CERK: variants seen among roughly 807,000 people sequenced by gnomAD.
The protein encoded by CERK is acylsphingosine kinase.
A neutral mutation model predicts 63.4 loss-of-function variants in CERK; 39 were observed. That is an observed-to-expected ratio of 0.61 (90% CI 0.48 to 0.80). CERK has a LOEUF of 0.80. CERK is among the 30% of genes least tolerant of loss of function. The pLI, the probability that CERK is intolerant of heterozygous loss-of-function variation, is 0.00. For missense variants in CERK, 670 were observed against 714.1 expected, an observed-to-expected ratio of 0.94 and a Z score of 0.70; for synonymous variants, 302 against 280.0, an observed-to-expected ratio of 1.08 and a Z score of -0.78.
rs2748349 is a variant in CERK, at chr22:46,687,115, T to A, written c.*19A>T. ...ATAGTTTTCACACTTTCCCAGTTTG[T>A]GAGCAGGACGCCGGCTTCTCAGCTG... is the stretch of plus-strand genomic sequence containing the variant. On this transcript the variant is annotated 3_prime_UTR_variant, in exon 13 of 13. Coordinates refer to ENST00000216264, the MANE Select transcript of CERK (RefSeq NM_022766.6). 679,939 of 1,607,138 alleles carry A rather than the reference T, an allele frequency of 0.42. 147,565 individuals carry two copies. The highest frequency in any genetic ancestry group is 0.63 in the African/African-American group (47,133 of 74,732).
intron 1 of CERK, among the ~76,000 whole-genome samples, chr22:46,726,035 C>T (rs1486859600): frequency 4.6e-5 from 7 of 152,242 alleles, no homozygotes; most frequent in African/African-American, 1.2e-4. Flanking sequence ...CTGAGCCACG[C>T]GCAGTGGCCT....
In CERK at chr22:46,687,221, G is replaced by A. The variant is rs766121174; in HGVS notation, c.1542-15C>T. 2 of 1,612,826 alleles carry A rather than the reference G, an allele frequency of 1.2e-6. No individual in the cohort carries two copies. Among genetic ancestry groups the A allele is most frequent in the South Asian group, 1.1e-5 (1 of 91,070 alleles). ...GGCAGTGGACTCTGCAGAGACAAGCGGCCACGTGTAAACCCCACGTGTCCC... is the reference window on the plus strand; with the variant it reads ...GGCAGTGGACTCTGCAGAGACAAGCAGCCACGTGTAAACCCCACGTGTCCC... On this transcript the variant is annotated splice_polypyrimidine_tract_variant and intron_variant, in intron 12 of 12. Transcript: ENST00000216264.
chr22:46,737,936 C>G (rs1443595262), intron 1 of CERK, 71 bp downstream of exon 1: 1 of 1,074,886 alleles, frequency 9.3e-7, no homozygotes, highest in East Asian at 4.5e-5. Flanking sequence ...CCGGTCCCCC[C>G]AGCCGGGTCC....
At chr22:46,707,582 T>A (rs1569323695) in intron 6 of CERK, among the ~76,000 whole-genome samples, 1 of 152,168 alleles carries the variant, frequency 6.6e-6, no homozygotes, top group Non-Finnish European at 1.5e-5. Flanking sequence ...ACTCCAGGAC[T>A]GCACCCCCAG....
At chr22:46,688,163 G>A (rs2082712929) in intron 12 of CERK, among the ~76,000 whole-genome samples, 1 of 152,040 alleles carries the variant, frequency 6.6e-6, no homozygotes, top group African/African-American at 2.4e-5. Flanking sequence ...ACTCCAGCCT[G>A]GGCAACAAGA....
intron 5 of CERK, 23 bp from the exon 6 acceptor site, chr22:46,708,011 C>G: frequency 2.5e-6 from 4 of 1,584,126 alleles, no homozygotes; most frequent in Non-Finnish European, 3.4e-6. Flanking sequence ...CACAGCCGGT[C>G]AGGGCTCCTG....
chr22:46,704,387 T>C (rs1486510970), intron 6 of CERK, among the ~76,000 whole-genome samples: 1 of 152,112 alleles, frequency 6.6e-6, no homozygotes, highest in Non-Finnish European at 1.5e-5. Context: ...CCATACAGCA[T>C]AGATGAGAAT....
intron 3 of CERK, among the ~76,000 whole-genome samples, chr22:46,712,847 C>CTT (rs11312593): frequency 3.2e-5 from 4 of 125,710 alleles, no homozygotes; most frequent in African/African-American, 1.2e-4. Context: ...CTTTTCTTTT[C>CTT]TTTTTTTTTT....
chr22:46,691,864 T>C (rs972204013), intron 10 of CERK, 87 bp from the exon 11 acceptor site: 5 of 986,662 alleles, frequency 5.1e-6, no homozygotes, highest in Non-Finnish European at 7.5e-6. Context: ...CCATTCGGGC[T>C]CTCACCTGCT....
In CERK at chr22:46,701,655, C is replaced by T. The variant is rs375162830; in HGVS notation, c.771G>A (p.Ser257=). 579 of 1,559,042 alleles carry T rather than the reference C, an allele frequency of 3.7e-4. 5 individuals are homozygous for T. Among genetic ancestry groups the T allele is most frequent in the Middle Eastern group, 5.0e-4 (3 of 5,980 alleles). The part of the protein sequence containing the change: ...STVGTSDAET[S]ALHIVVGDSL... ...GCTCACCAACAACGATATGCAGCGC[C>T]GAGGTTTCTGCGTCGCTGGTGCCCA... The change falls in exon 7 of 13, where the codon TCG becomes TCA. Residue 257 remains serine (S), a synonymous_variant. Coordinates refer to ENST00000216264, the MANE Select transcript of CERK (RefSeq NM_022766.6).
chr22:46,721,014 A>C lies in CERK; in HGVS notation c.144T>G (p.Asp48Glu), dbSNP rs758508320. 6 of 1,601,300 alleles carry C rather than the reference A, an allele frequency of 3.7e-6. No homozygotes were observed. The East Asian group carries it at 1.3e-4, about 36-fold the overall frequency. ...PGPGAGAPGA[D>E]ACSVPVSEII... ...TCTCAGATACAGGCACAGAGCAGGC[A>C]TCTGTAAAAACACCACGTCCTTCTG... Residue 48 changes from aspartate to glutamate, a missense_variant and splice_region_variant, in exon 2 of 13, where the codon GAT becomes GAG. Coordinates refer to ENST00000216264, the MANE Select transcript of CERK (RefSeq NM_022766.6).
At chr22:46,695,617 C>T (rs540136549) in intron 8 of CERK, among the ~76,000 whole-genome samples, 4 of 152,252 alleles carry the variant, frequency 2.6e-5, no homozygotes, top group Non-Finnish European at 5.9e-5. Flanking sequence ...TGCCATTAGC[C>T]ACCCCTCATA....
rs200487125 is a variant in CERK, at chr22:46,690,086, T to C, written c.1447A>G (p.Ile483Val). ...KEGGKKRFGH[I>V]CSSHPSCCCT... The stretch of plus-strand genomic sequence containing the variant: ...CAGCAGGAGGGGTGGCTGCTGCAAA[T>C]GTGCCCAAAGCGCTTCTTCCCCCCC... The change falls in exon 12 of 13, where the codon ATT becomes GTT. Residue 483 changes from isoleucine (I) to valine (V), a missense_variant. Coordinates refer to ENST00000216264, the MANE Select transcript of CERK (RefSeq NM_022766.6). The C allele has an allele frequency of 1.7e-4, 282 of 1,613,996 alleles. No individual in the cohort carries two copies. The East Asian group carries it at 6.2e-3, about 36-fold the overall frequency.
Position 46,707,824 on chromosome 22 carries a change from T to C in CERK, c.715+19A>G, listed in dbSNP as rs1244077679. 2.5e-6 allele frequency: 4 copies of C among 1,594,814 alleles called. No homozygotes were observed. Among genetic ancestry groups the C allele is most frequent in the South Asian group, 1.1e-5 (1 of 89,804 alleles). ...GGACGGGAACGAAGAGAACAGAGAA[T>C]GCCAGGCCGGCTCCATACCTGCGGG... On this transcript the variant is annotated intron_variant, in intron 6 of 12. Coordinates refer to ENST00000216264, the MANE Select transcript of CERK (RefSeq NM_022766.6).
intron 9 of CERK, 66 bp from the exon 10 acceptor site, chr22:46,693,569 C>G: frequency 1.6e-6 from 2 of 1,261,722 alleles, no homozygotes; most frequent in Non-Finnish European, 2.3e-6. Flanking sequence ...ATGCTTGGCA[C>G]ATATAGATGT....
chr22:46,686,802 G>A lies in CERK; in HGVS notation c.*332C>T, dbSNP rs2082703671. ...GTGACCTGCGTGGAAATCATATAATGTCCCTAACATTATTGCAATAGAGCC... is the reference window on the plus strand; with the variant it reads ...GTGACCTGCGTGGAAATCATATAATATCCCTAACATTATTGCAATAGAGCC... On this transcript the variant is annotated 3_prime_UTR_variant, in exon 13 of 13. Transcript: ENST00000216264. 3.8e-6 allele frequency: 1 copy of A among 265,536 alleles called. No individual in the cohort carries two copies. Among genetic ancestry groups the A allele is most frequent in the South Asian group, 5.0e-5 (1 of 20,078 alleles). The allele number at this position is 265,536 out of a possible 1,614,324, so 16.4% of individuals were successfully genotyped here.
At chr22:46,727,857 G>A (rs1041954201) in intron 1 of CERK, among the ~76,000 whole-genome samples, 34 of 140,608 alleles carry the variant, frequency 2.4e-4, no homozygotes, top group African/African-American at 7.1e-4. Flanking sequence ...CCACCCCCGC[G>A]GCTCCTTAGC....
At chr22:46,709,361 T>C (rs2082829172) in intron 5 of CERK, among the ~76,000 whole-genome samples, 1 of 152,150 alleles carries the variant, frequency 6.6e-6, no homozygotes, top group Admixed American at 6.6e-5. Flanking sequence ...ACGACTGTCT[T>C]CCTGCCAAGC....
chr22:46,725,303 A>C (rs811669), intron 1 of CERK, among the ~76,000 whole-genome samples: 2,507 of 152,026 alleles, frequency 0.016, 58 homozygotes, highest in African/African-American at 0.056. Flanking sequence ...GGGCTCAGGA[A>C]ACACTTGCCA....
Sources: gnomAD v4.1 joint callset for allele counts (sites outside exome capture counted in the v4.1 genomes callset) on GRCh38, gnomAD v4.1.1 for gene constraint, MANE v1.5 for transcripts, NCBI Gene and HGNC (gene_info 2026-07-23, HGNC 2026-07-21) for gene names.